Variants in CD2AP observed in about 807,000 individuals in gnomAD.
The protein encoded by CD2AP is CD2 associated protein, also known as CD2-associated protein.
A neutral mutation model predicts 85.1 loss-of-function variants in CD2AP; 46 were observed. That is an observed-to-expected ratio of 0.54 (90% CI 0.43 to 0.69). The LOEUF (loss-of-function observed/expected upper bound fraction) is 0.69. CD2AP is among the 30% of genes least tolerant of loss of function. The pLI is 0.00. For synonymous variants in CD2AP, 255 were observed against 252.9 expected (o/e 1.01, Z -0.08); for missense variants, 769 against 729.5 (o/e 1.05, Z -0.62).
At chr6:47,584,747 T>C (rs1768575928) in intron 11 of CD2AP, among the ~76,000 whole-genome samples, 1 of 152,112 alleles carries the variant, frequency 6.6e-6, no homozygotes, top group Non-Finnish European at 1.5e-5. Flanking sequence ...AAAATATTAG[T>C]CTCAGATTAA....
At position 47,579,423 on chromosome 6, in the gene CD2AP, T is replaced by C. The variant is rs921601729; in HGVS notation, c.942T>C (p.Asn314=). ...GEAGWWRGEL[N]GKEGVFPDNF... The stretch of plus-strand genomic sequence containing the variant: ...CTGGCTGGTGGAGGGGCGAACTTAA[T>C]GGTAAAGAAGGAGTATTTCCAGACA... Residue 314 remains asparagine, a synonymous_variant, in exon 9 of 18, where the codon AAT becomes AAC. Transcript: ENST00000359314. 1 of 1,613,474 alleles carries C rather than the reference T, an allele frequency of 6.2e-7. No individual in the cohort carries two copies.
intron 2 of CD2AP, among the ~76,000 whole-genome samples, chr6:47,516,946 G>A (rs897147026): frequency 1.3e-5 from 2 of 152,170 alleles, no homozygotes; most frequent in African/African-American, 4.8e-5. Context: ...GTTAGTTGCT[G>A]GTAGTTGTCC....
At chr6:47,569,272 C>G (rs1390228901) in intron 5 of CD2AP, among the ~76,000 whole-genome samples, 1 of 152,018 alleles carries the variant, frequency 6.6e-6, no homozygotes, top group East Asian at 1.9e-4. Flanking sequence ...GTTATCAGCA[C>G]AATAGAATTT....
intron 11 of CD2AP, among the ~76,000 whole-genome samples, chr6:47,584,725 T>G (rs2114112365): frequency 6.6e-6 from 1 of 152,228 alleles, no homozygotes; most frequent in South Asian, 2.1e-4. Context: ...CACAAACAAT[T>G]TATGCTTAAT....
At chr6:47,494,811 CA>C (rs35519634) in intron 1 of CD2AP, among the ~76,000 whole-genome samples, 1 of 152,102 alleles carries the variant, frequency 6.6e-6, no homozygotes, top group African/African-American at 2.4e-5. Context: ...TTTTTATCCT[CA>C]AAAAAGGTAT....
chr6:47,600,615 G>A (rs1292820879), intron 13 of CD2AP, among the ~76,000 whole-genome samples: 1 of 151,830 alleles, frequency 6.6e-6, no homozygotes, highest in Non-Finnish European at 1.5e-5. Flanking sequence ...AATGTTGATT[G>A]TATTTTAGAG....
chr6:47,588,946 G>C (rs1768702680), intron 11 of CD2AP, among the ~76,000 whole-genome samples: 1 of 152,084 alleles, frequency 6.6e-6, no homozygotes, highest in African/African-American at 2.4e-5. Flanking sequence ...GATTGTCTCA[G>C]TGTAATCATA....
At chr6:47,488,051 T>C in intron 1 of CD2AP, among the ~76,000 whole-genome samples, 1 of 133,634 alleles carries the variant, frequency 7.5e-6, no homozygotes, top group South Asian at 2.3e-4. Flanking sequence ...TTTTAAGAAA[T>C]AAACTCTTTA....
At position 47,533,713 on chromosome 6, in the gene CD2AP, G is replaced by A. The variant is rs960974702; in HGVS notation, c.277G>A (p.Gly93Arg). The change falls in exon 3 of 18, where the codon GGA becomes AGA. Residue 93 changes from glycine to arginine, a missense_variant. Gly to Arg is a moderately radical substitution (Grantham distance 125, BLOSUM62 -2). Transcript: ENST00000359314. ...QRISTYGLPA[G>R]GIQPHPQTKN... ...AATAAGCACCTATGGACTTCCAGCT[G>A]GAGGAATTCAGCCACATCCACAAAC... The A allele has an allele frequency of 1.9e-6, 3 of 1,614,086 alleles. No homozygotes were observed. Among genetic ancestry groups the A allele is most frequent in the Non-Finnish European group, 2.5e-6 (3 of 1,179,998 alleles).
At chr6:47,577,182 A>G (rs1768337930) in intron 8 of CD2AP, 79 bp downstream of exon 8, 3 of 802,490 alleles carry the variant, frequency 3.7e-6, no homozygotes, top group Non-Finnish European at 6.6e-6. Context: ...TTCACCCTAG[A>G]GTGTTCTTAT....
At chr6:47,571,720 G>A (rs1173907586) in intron 5 of CD2AP, among the ~76,000 whole-genome samples, 1 of 152,098 alleles carries the variant, frequency 6.6e-6, no homozygotes, top group Non-Finnish European at 1.5e-5. Flanking sequence ...GTTAATATGA[G>A]CAATTTCTGG....
At chr6:47,578,924 T>G (rs553986628) in intron 8 of CD2AP, among the ~76,000 whole-genome samples, 1 of 152,342 alleles carries the variant, frequency 6.6e-6, no homozygotes, top group East Asian at 1.9e-4. Context: ...CCTAAAATGC[T>G]GGGATTACAG....
Position 47,577,001 on chromosome 6 carries a change from T to G in CD2AP, c.809-8T>G, listed in dbSNP as rs1462904975. 5 of 1,333,740 alleles carry G rather than the reference T, an allele frequency of 3.7e-6. No homozygotes were observed. The highest frequency in any genetic ancestry group is 5.4e-6 in the Non-Finnish European group (5 of 924,544). 82.6% of individuals were successfully genotyped at this position (1,333,740 alleles called of 1,614,324 possible). On this transcript the variant is annotated splice_polypyrimidine_tract_variant and splice_region_variant and intron_variant, in intron 7 of 17. Transcript: ENST00000359314. ...TGTGAGCCACATTATTTACATTCTT[T>G]ATTTCAGCTAAAGAATATTGTAGAA...
chr6:47,536,748 A>G (rs1365409294), intron 3 of CD2AP, among the ~76,000 whole-genome samples: 1 of 152,204 alleles, frequency 6.6e-6, no homozygotes, highest in Non-Finnish European at 1.5e-5. Context: ...CAGAGAAGAG[A>G]ACAAATGTGC....
intron 5 of CD2AP, among the ~76,000 whole-genome samples, chr6:47,573,484 GTTTTTTTTTT>G (rs765430650): frequency 2.1e-5 from 2 of 94,692 alleles, no homozygotes; most frequent in African/African-American, 8.6e-5. Flanking sequence ...CATGCTGTGT[GTTTTTTTTTT>G]TTTTTTTTTT....
In CD2AP at chr6:47,624,336, G is replaced by T; in HGVS notation, c.*109G>T. On this transcript the variant is annotated 3_prime_UTR_variant, in exon 18 of 18. Transcript: ENST00000359314. ...TGAATTCTGTTGTTGTGATAAATAT[G>T]AGCAAATGAAGTGTAATATCTATAG... 1.2e-6 allele frequency: 1 copy of T among 840,132 alleles called. No individual in the cohort carries two copies. The allele number at this position is 840,132 out of a possible 1,614,324, so 52.0% of individuals were successfully genotyped here. A position where few individuals can be genotyped will look rare whatever the true frequency, so the allele number is the denominator to read the frequency against.
intron 9 of CD2AP, chr6:47,579,780 G>T: frequency 3.7e-6 from 1 of 268,920 alleles, no homozygotes; most frequent in Non-Finnish European, 7.0e-6. Context: ...GTACTTTCCT[G>T]GAAGAAATTG....
intron 5 of CD2AP, among the ~76,000 whole-genome samples, chr6:47,563,725 C>A (rs915322051): frequency 2.0e-5 from 3 of 152,136 alleles, no homozygotes; most frequent in Non-Finnish European, 4.4e-5. Context: ...GTGCTACATA[C>A]TATACGTGCT....
intron 11 of CD2AP, among the ~76,000 whole-genome samples, chr6:47,584,263 G>T (rs949656670): frequency 6.6e-6 from 1 of 152,004 alleles, no homozygotes; most frequent in Non-Finnish European, 1.5e-5. Context: ...TCATGGCTTT[G>T]GTGTTGTATC....
Sources: gnomAD v4.1 joint callset for allele counts (sites outside exome capture counted in the v4.1 genomes callset) on GRCh38, gnomAD v4.1.1 for gene constraint, MANE v1.5 for transcripts, NCBI Gene and HGNC (gene_info 2026-07-23, HGNC 2026-07-21) for gene names.